RYR2: variants seen among roughly 807,000 people sequenced by gnomAD.
RYR2 encodes cardiac muscle ryanodine receptor-calcium release channel.
In RYR2, 227 loss-of-function variants were observed where a neutral mutation model predicts 601.1. That is an observed-to-expected ratio of 0.38 (90% confidence interval 0.34 to 0.42). The LOEUF (loss-of-function observed/expected upper bound fraction) is 0.42, where lower values mean the gene tolerates loss of function less well. RYR2 is among the 10% of genes least tolerant of loss of function. The pLI, the probability that RYR2 is intolerant of heterozygous loss-of-function variation, is 1.00. For synonymous variants in RYR2, 2,223 were observed against 2,175.1 expected (o/e 1.02, Z -0.61); for missense variants, 4,646 against 6,156.5 (o/e 0.75, Z 8.21).
intron 1 of RYR2, among the ~76,000 whole-genome samples, chr1:237,155,395 C>G (rs1160819005): frequency 5.3e-5 from 8 of 151,934 alleles, no homozygotes; most frequent in African/African-American, 1.9e-4. Context: ...CCAGGATGGT[C>G]TTGATCTCCT....
intron 1 of RYR2, among the ~76,000 whole-genome samples, chr1:237,060,690 A>G (rs1331108550): frequency 6.6e-6 from 1 of 152,090 alleles, no homozygotes; most frequent in Non-Finnish European, 1.5e-5. Context: ...TTTTGTGTCT[A>G]GTTTCTTTTG....
At chr1:237,776,886 T>C (rs1694707804) in intron 87 of RYR2, among the ~76,000 whole-genome samples, 1 of 152,154 alleles carries the variant, frequency 6.6e-6, no homozygotes, top group African/African-American at 2.4e-5. Flanking sequence ...CAGTTTAAAG[T>C]TATTCAATCA....
At chr1:237,344,974 CT>C in intron 3 of RYR2, among the ~76,000 whole-genome samples, 1 of 152,140 alleles carries the variant, frequency 6.6e-6, no homozygotes, top group South Asian at 2.1e-4. Flanking sequence ...CCACACCCAG[CT>C]AATTTTTGTA....
chr1:237,350,045 TATG>T (rs1698626350), intron 3 of RYR2, among the ~76,000 whole-genome samples: 1 of 151,972 alleles, frequency 6.6e-6, no homozygotes, highest in Admixed American at 6.6e-5. Flanking sequence ...AATATGAAAA[TATG>T]ATAAATATAA....
intron 1 of RYR2, among the ~76,000 whole-genome samples, chr1:237,157,345 A>G (rs1357425960): frequency 6.6e-6 from 1 of 151,514 alleles, no homozygotes; most frequent in African/African-American, 2.4e-5. Context: ...AAAGAAAAGA[A>G]AAAGAGAAAG....
chr1:237,592,481 A>G (rs1675313457), intron 32 of RYR2, among the ~76,000 whole-genome samples: 1 of 151,984 alleles, frequency 6.6e-6, no homozygotes, highest in African/African-American at 2.4e-5. Flanking sequence ...AAAAATATAA[A>G]CATTAGTGGA....
chr1:237,540,901 A>ATG (rs936652298), intron 25 of RYR2, among the ~76,000 whole-genome samples: 11 of 129,542 alleles, frequency 8.5e-5, no homozygotes, highest in South Asian at 4.8e-4. Flanking sequence ...TGGTTGATGC[A>ATG]TGTGTGTGTG....
intron 1 of RYR2, among the ~76,000 whole-genome samples, chr1:237,148,931 G>GC (rs1674384189): frequency 6.6e-6 from 1 of 152,000 alleles, no homozygotes; most frequent in Non-Finnish European, 1.5e-5. Context: ...GGGAAATCCA[G>GC]CCCCCTACCC....
intron 1 of RYR2, among the ~76,000 whole-genome samples, chr1:237,218,559 T>C (rs2149127216): frequency 6.6e-6 from 1 of 152,314 alleles, no homozygotes; most frequent in South Asian, 2.1e-4. Context: ...TTTAATATAA[T>C]TTTTTGCTCC....
chr1:237,056,594 CAGCACTGCACCTGTGAGGACTGG>C (rs1187680368), intron 1 of RYR2, among the ~76,000 whole-genome samples: 4,339 of 53,118 alleles, frequency 0.082, 356 homozygotes, highest in African/African-American at 0.25. Flanking sequence ...GTGAGGACTG[CAGCACTGCACCTGTGAGGACTGG>C]AGCACTGCAC....
intron 42 of RYR2, among the ~76,000 whole-genome samples, chr1:237,631,844 G>T (rs1029397475): frequency 1.4e-5 from 2 of 140,592 alleles, no homozygotes; most frequent in South Asian, 2.3e-4. Flanking sequence ...TAGCCAGGAT[G>T]GTCTCGATCT....
intron 1 of RYR2, among the ~76,000 whole-genome samples, chr1:237,163,798 C>A (rs934226280): frequency 6.6e-6 from 1 of 152,312 alleles, no homozygotes; most frequent in South Asian, 2.1e-4. Context: ...AGATGTCAAA[C>A]CTTTTGAGCC....
intron 1 of RYR2, among the ~76,000 whole-genome samples, chr1:237,054,864 G>A (rs1661778243): frequency 6.6e-6 from 1 of 152,168 alleles, no homozygotes; most frequent in Non-Finnish European, 1.5e-5. Flanking sequence ...AGGAAGGTGA[G>A]TGGGGGCCAT....
chr1:237,811,304 C>T (rs910933357), intron 100 of RYR2, among the ~76,000 whole-genome samples: 2 of 152,104 alleles, frequency 1.3e-5, no homozygotes, highest in African/African-American at 4.8e-5. Context: ...CATTTTGATC[C>T]ACTGCCTGTT....
chr1:237,568,760 G>A (rs1672354319), intron 28 of RYR2, among the ~76,000 whole-genome samples: 1 of 152,114 alleles, frequency 6.6e-6, no homozygotes, highest in Non-Finnish European at 1.5e-5. Context: ...ATTTGTATTT[G>A]TGGGAGTAGA....
At chr1:237,573,225 T>C (rs914081244) in intron 29 of RYR2, among the ~76,000 whole-genome samples, 6 of 79,392 alleles carry the variant, frequency 7.6e-5, no homozygotes, top group African/African-American at 1.6e-4. Flanking sequence ...TATGGAGATA[T>C]ACACATACAC....
intron 100 of RYR2, among the ~76,000 whole-genome samples, chr1:237,818,574 T>C (rs1662090550): frequency 6.6e-6 from 1 of 152,078 alleles, no homozygotes; most frequent in Non-Finnish European, 1.5e-5. Context: ...TCATATATAC[T>C]ATGTGAGGGA....
intron 35 of RYR2, among the ~76,000 whole-genome samples, chr1:237,608,504 C>T (rs1677408115): frequency 6.6e-6 from 1 of 152,086 alleles, no homozygotes. Context: ...TTGAAACCAG[C>T]TTGGGCAACA....
Position 237,810,853 on chromosome 1 carries a change from G to C in RYR2, c.14433+1818G>C, listed in dbSNP as rs573184865. 3.2e-4 allele frequency among the ~76,000 whole-genome samples: 48 copies of C among 151,996 alleles called. No individual in the cohort carries two copies. In the South Asian group the frequency reaches 0.01, roughly 32 times the overall value. ...ATTTAATTTAAAAAAACAAGATCTT[G>C]GATCAGTAATGATAGGATCCTAATT... On this transcript the variant is annotated intron_variant, in intron 100 of 104. Transcript: ENST00000366574.
Sources: gnomAD v4.1 joint callset for allele counts (sites outside exome capture counted in the v4.1 genomes callset) on GRCh38, gnomAD v4.1.1 for gene constraint, MANE v1.5 for transcripts, NCBI Gene and HGNC (gene_info 2026-07-23, HGNC 2026-07-21) for gene names.